The following PAPPA variants were observed in gnomAD, a reference collection of about 807,000 sequenced individuals.
The protein encoded by PAPPA is pappalysin 1.
PAPPA carries 60 observed loss-of-function variants against 164.0 expected under a neutral mutation model. The observed-to-expected ratio is 0.37, with a 90% CI of 0.30 to 0.45. The LOEUF (loss-of-function observed/expected upper bound fraction) is 0.45, where lower values mean the gene tolerates loss of function less well. PAPPA is among the 20% of genes least tolerant of loss of function. PAPPA has a pLI of 1.00. For synonymous variants in PAPPA, 875 were observed against 814.1 expected (o/e 1.07, Z -1.27); for missense variants, 1,782 against 2,087.3 (o/e 0.85, Z 2.85).
At chr9:116,183,046 A>G (rs572464441) in intron 1 of PAPPA, among the ~76,000 whole-genome samples, 2 of 152,284 alleles carry the variant, frequency 1.3e-5, no homozygotes, top group African/African-American at 2.4e-5. Context: ...ACATGGGACT[A>G]TATCCCCTGG....
intron 10 of PAPPA, among the ~76,000 whole-genome samples, chr9:116,312,288 C>CTTTTTTTTTTTTTTTT (rs5900201): frequency 5.2e-4 from 67 of 129,606 alleles, no homozygotes; most frequent in Non-Finnish European, 7.5e-4. Context: ...TTCTTTCTTT[C>CTTTTTTTTTTTTTTTT]TTTTTTTTTT....
chr9:116,334,877 C>T lies in PAPPA; in HGVS notation c.3414C>T (p.Ser1138=). The stretch of plus-strand genomic sequence containing the variant: ...CCCTGACAGGCCTCCATGTCCTGAG[C>T]TGCAGGAACAATCCCCTGATTATCC... ...QSHDLGLHVL[S]CRNNPLIIPV... Residue 1138 remains serine (S), a synonymous_variant, in exon 13 of 22, where the codon AGC becomes AGT. Transcript: ENST00000328252. 6.2e-7 allele frequency: 1 copy of T among 1,613,838 alleles called. No individual in the cohort carries two copies. The highest frequency in any genetic ancestry group is 1.3e-5 in the African/African-American group (1 of 75,030).
intron 21 of PAPPA, among the ~76,000 whole-genome samples, chr9:116,389,048 A>C (rs1846854458): frequency 6.6e-6 from 1 of 151,872 alleles, no homozygotes; most frequent in Non-Finnish European, 1.5e-5. Flanking sequence ...GATAACCTAC[A>C]TTGACAAAGG....
intron 10 of PAPPA, chr9:116,318,288 G>A (rs752890309): frequency 3.9e-5 from 6 of 152,072 alleles, no homozygotes; most frequent in East Asian, 1.9e-4. Context: ...TGCTTGCTTC[G>A]TTCTTCACCT....
intron 5 of PAPPA, among the ~76,000 whole-genome samples, chr9:116,221,097 C>T (rs1844440644): frequency 6.6e-6 from 1 of 152,052 alleles, no homozygotes; most frequent in Admixed American, 6.6e-5. Context: ...TGTCTCTGAG[C>T]CTGATTCTCC....
At chr9:116,367,985 G>C (rs1329635095) in intron 19 of PAPPA, among the ~76,000 whole-genome samples, 1 of 152,122 alleles carries the variant, frequency 6.6e-6, no homozygotes, top group African/African-American at 2.4e-5. Context: ...TCTCTGTCAG[G>C]TCCTATGTGA....
intron 5 of PAPPA, among the ~76,000 whole-genome samples, chr9:116,224,778 T>C (rs568052704): frequency 5.9e-5 from 9 of 152,338 alleles, no homozygotes; most frequent in African/African-American, 2.2e-4. Flanking sequence ...ATAGGTGCCA[T>C]ATTGGACAGC....
chr9:116,396,377 A>C (rs1298765350), intron 21 of PAPPA, 132 bp from the exon 22 acceptor site: 1 of 700,336 alleles, frequency 1.4e-6, no homozygotes, highest in Non-Finnish European at 2.6e-6. Flanking sequence ...CCAGGATAGC[A>C]AGAAGCAGAG....
At chr9:116,383,535 A>T (rs1846761346) in intron 21 of PAPPA, among the ~76,000 whole-genome samples, 1 of 57,554 alleles carries the variant, frequency 1.7e-5, no homozygotes, top group African/African-American at 5.8e-5. Context: ...AGTGAATGAT[A>T]GAAAGAGTGA....
rs777315543 is a variant in PAPPA, at chr9:116,220,028, G to A, written c.2010G>A (p.Arg670=). The A allele has an allele frequency of 1.2e-5, 20 of 1,614,040 alleles. No homozygotes were observed. Among genetic ancestry groups the A allele is most frequent in the Non-Finnish European group, 1.4e-5 (17 of 1,180,042 alleles). Residue 670 remains arginine, a synonymous_variant, in exon 5 of 22, where the codon AGG becomes AGA. Transcript: ENST00000328252. ...TCTACCAGGGCTGGCAGCCCTCCAGGAAACCAGCGCCTGTTGCCCTCGCCC... is the reference window on the plus strand; with the variant it reads ...TCTACCAGGGCTGGCAGCCCTCCAGAAAACCAGCGCCTGTTGCCCTCGCCC... ...DLVYQGWQPS[R]KPAPVALAPQ...
chr9:116,167,054 A>T (rs756864234), intron 1 of PAPPA, among the ~76,000 whole-genome samples: 1 of 152,240 alleles, frequency 6.6e-6, no homozygotes, highest in African/African-American at 2.4e-5. Context: ...TCAGATATGC[A>T]AAGTATATTT....
chr9:116,207,407 T>G (rs923824249), intron 2 of PAPPA, 49 bp from the exon 3 acceptor site: 1 of 1,512,910 alleles, frequency 6.6e-7, no homozygotes, highest in Non-Finnish European at 8.9e-7. Context: ...AGAGGGCCTG[T>G]TATCTTTTTG....
intron 7 of PAPPA, among the ~76,000 whole-genome samples, chr9:116,242,320 G>A (rs1410989784): frequency 6.6e-6 from 1 of 152,026 alleles, no homozygotes; most frequent in Non-Finnish European, 1.5e-5. Context: ...CAGTTCAAAT[G>A]GTTGAAACTA....
chr9:116,187,886 C>A lies in PAPPA; in HGVS notation c.1148C>A (p.Ala383Asp). 1 of 1,614,146 alleles carries A rather than the reference C, an allele frequency of 6.2e-7. No individual in the cohort carries two copies. The highest frequency in any genetic ancestry group is 8.5e-7 in the Non-Finnish European group (1 of 1,180,024). ...EQVDFQHHQL[A>D]EAFKQYNISW... ...GTGGACTTCCAGCACCATCAGCTGG[C>A]TGAGGCCTTCAAGCAATACAACATC... is the stretch of plus-strand genomic sequence containing the variant. The change falls in exon 2 of 22, where the codon GCT (alanine) becomes GAT (aspartate). Residue 383 changes from alanine (A) to aspartate (D), a missense_variant. Physicochemically the swap from Ala to Asp is moderately radical, Grantham distance 126. Around this residue, in one of 2 missense-constraint regions of PAPPA, gnomAD observed 1,324 missense variants for 1,656.9 expected, o/e 0.80. Coordinates refer to ENST00000328252, the MANE Select transcript of PAPPA (RefSeq NM_002581.5). This position sits in a 1 kb window ranked among gnomAD's most constrained non-coding sequence, Gnocchi z 4.2.
At chr9:116,381,392 A>G (rs1846729422) in intron 20 of PAPPA, among the ~76,000 whole-genome samples, 1 of 152,254 alleles carries the variant, frequency 6.6e-6, no homozygotes, top group Non-Finnish European at 1.5e-5. Flanking sequence ...GACATTGCCC[A>G]TGTCCATGAA....
At chr9:116,263,799 G>A (rs746103246) in intron 7 of PAPPA, among the ~76,000 whole-genome samples, 2 of 152,140 alleles carry the variant, frequency 1.3e-5, no homozygotes, top group Non-Finnish European at 2.9e-5. Flanking sequence ...GAGACGCGAC[G>A]AGAGGACAAA....
chr9:116,214,487 GC>G (rs1172405901), intron 4 of PAPPA, among the ~76,000 whole-genome samples: 1 of 152,106 alleles, frequency 6.6e-6, no homozygotes, highest in Non-Finnish European at 1.5e-5. Context: ...TTACTGCAGA[GC>G]CTGTGTTACT....
Position 116,387,607 on chromosome 9 carries a change from T to TC in PAPPA, c.4776+5116dup, listed in dbSNP as rs774294767. Among the ~76,000 whole-genome samples, 207 of 152,316 alleles carry TC rather than the reference T, an allele frequency of 1.4e-3. 1 individual carries two copies. The highest frequency in any genetic ancestry group is 4.9e-3 in the African/African-American group (204 of 41,566). On this transcript the variant is annotated intron_variant, in intron 21 of 21. Coordinates refer to ENST00000328252, the MANE Select transcript of PAPPA (RefSeq NM_002581.5). Reference sequence around the variant, plus strand: ...CCAGACTGGTCTTGAACTCCTGGGCTCCAGTGATCCTCCAGCCTCAGCTTC... The same window carrying TC: ...CCAGACTGGTCTTGAACTCCTGGGCTCCCAGTGATCCTCCAGCCTCAGCTTC...
At chr9:116,238,327 T>C (rs944996747) in intron 7 of PAPPA, among the ~76,000 whole-genome samples, 4 of 152,190 alleles carry the variant, frequency 2.6e-5, no homozygotes, top group African/African-American at 9.6e-5. Context: ...TCAGAAACTC[T>C]GAGTGCAGGG....
Sources: allele counts gnomAD v4.1 joint callset (sites outside exome capture counted in the v4.1 genomes callset), GRCh38; gene constraint gnomAD v4.1.1; regional missense constraint gnomAD v4.1.1; non-coding constraint Gnocchi (gnomAD v3.1); transcripts MANE v1.5; gene names NCBI Gene and HGNC (gene_info 2026-07-23, HGNC 2026-07-21).